LRRC38: variants seen among roughly 807,000 people sequenced by gnomAD.
LRRC38 encodes leucine-rich repeat-containing protein 38.
In LRRC38, 5 loss-of-function variants were observed where a neutral mutation model predicts 16.4. That is an observed-to-expected ratio of 0.31 (90% CI 0.16 to 0.64). LRRC38 has a LOEUF of 0.64. Ranked by LOEUF, LRRC38 falls within the 30% of genes least tolerant of loss-of-function variation. The probability of loss-of-function intolerance (pLI) is 0.80; values close to 1 mark genes in which losing one functional copy is unlikely to be tolerated. For missense variants in LRRC38, 341 were observed against 401.8 expected (o/e 0.85, Z 1.29); for synonymous variants, 191 against 190.2 (o/e 1.00, Z -0.04).
At chr1:13,504,470 C>T (rs1054966267) in intron 1 of LRRC38, among the ~76,000 whole-genome samples, 9 of 151,916 alleles carry the variant, frequency 5.9e-5, no homozygotes, top group Non-Finnish European at 8.8e-5. Context: ...CCTGTAATCC[C>T]GGCACTTTGG....
chr1:13,483,276 C>A (rs1259952276), intron 1 of LRRC38, among the ~76,000 whole-genome samples: 3 of 152,130 alleles, frequency 2.0e-5, no homozygotes, highest in Non-Finnish European at 2.9e-5. Flanking sequence ...CTCAGCCTCC[C>A]GAGTAACTGG....
At chr1:13,504,340 C>T (rs1210548346) in intron 1 of LRRC38, among the ~76,000 whole-genome samples, 1 of 152,050 alleles carries the variant, frequency 6.6e-6, no homozygotes, top group Non-Finnish European at 1.5e-5. Flanking sequence ...CCAGCCCTGC[C>T]CCAGACCCAT....
At chr1:13,511,173 G>A (rs936464533) in intron 1 of LRRC38, among the ~76,000 whole-genome samples, 1 of 152,188 alleles carries the variant, frequency 6.6e-6, no homozygotes, top group Non-Finnish European at 1.5e-5. Flanking sequence ...ACAGCAGGAG[G>A]AGGAACATTT....
At chr1:13,483,735 T>C (rs1169832222) in intron 1 of LRRC38, among the ~76,000 whole-genome samples, 2 of 152,132 alleles carry the variant, frequency 1.3e-5, no homozygotes, top group Non-Finnish European at 2.9e-5. Context: ...GATGATACTG[T>C]GAACATGAAA....
intron 1 of LRRC38, among the ~76,000 whole-genome samples, chr1:13,482,673 G>C (rs1338869268): frequency 1.3e-5 from 2 of 152,020 alleles, no homozygotes; most frequent in Non-Finnish European, 2.9e-5. Flanking sequence ...CAGCAGGACA[G>C]TGGAAGGATG....
At chr1:13,499,626 T>C (rs1371410263) in intron 1 of LRRC38, among the ~76,000 whole-genome samples, 2 of 152,128 alleles carry the variant, frequency 1.3e-5, no homozygotes, top group East Asian at 1.9e-4. Flanking sequence ...GTTACAAAAG[T>C]GTGTACTGGA....
chr1:13,509,900 G>A (rs1465117405), intron 1 of LRRC38, among the ~76,000 whole-genome samples: 2 of 152,084 alleles, frequency 1.3e-5, no homozygotes, highest in Non-Finnish European at 2.9e-5. Context: ...GAGGTGTGGA[G>A]CTTGCTAAAA....
intron 1 of LRRC38, among the ~76,000 whole-genome samples, chr1:13,492,653 G>T (rs1357010829): frequency 1.3e-5 from 2 of 151,978 alleles, no homozygotes; most frequent in Non-Finnish European, 2.9e-5. Context: ...AGTGAGCTGA[G>T]ATCGCACCAG....
At chr1:13,499,197 C>T (rs548366321) in intron 1 of LRRC38, among the ~76,000 whole-genome samples, 1 of 152,134 alleles carries the variant, frequency 6.6e-6, no homozygotes, top group Non-Finnish European at 1.5e-5. Flanking sequence ...CTCCCAGGTT[C>T]AAGCAATTCT....
chr1:13,512,118 G>A (rs1339617979), intron 1 of LRRC38, among the ~76,000 whole-genome samples: 5 of 152,144 alleles, frequency 3.3e-5, no homozygotes, highest in African/African-American at 9.7e-5. Flanking sequence ...ACAAGTGGGA[G>A]GCTGGAATCC....
intron 1 of LRRC38, among the ~76,000 whole-genome samples, chr1:13,502,450 G>A (rs1026915910): frequency 2.0e-5 from 3 of 151,898 alleles, no homozygotes; most frequent in Admixed American, 6.6e-5. Context: ...TTCCTCACCC[G>A]CTCACCACCT....
At chr1:13,480,115 C>T (rs374115142) in intron 1 of LRRC38, among the ~76,000 whole-genome samples, 153 of 152,316 alleles carry the variant, frequency 1.0e-3, no homozygotes, top group African/African-American at 3.3e-3. Flanking sequence ...GAGGCCGAGG[C>T]GGGTGGATTA....
At chr1:13,484,790 T>C (rs899180908) in intron 1 of LRRC38, among the ~76,000 whole-genome samples, 1 of 152,230 alleles carries the variant, frequency 6.6e-6, no homozygotes, top group Non-Finnish European at 1.5e-5. Context: ...CTGCATTGCC[T>C]GCACTCCTTT....
chr1:13,506,195 G>T (rs750327591), intron 1 of LRRC38, among the ~76,000 whole-genome samples: 11 of 152,106 alleles, frequency 7.2e-5, no homozygotes, highest in Non-Finnish European at 1.2e-4. Context: ...AGCATGGAAG[G>T]TTAAGTGGGA....
At chr1:13,502,962 G>A (rs896878844) in intron 1 of LRRC38, among the ~76,000 whole-genome samples, 3 of 152,178 alleles carry the variant, frequency 2.0e-5, no homozygotes, top group African/African-American at 7.2e-5. Flanking sequence ...ATAACTCAAG[G>A]AGGGAAGTAT....
rs150493893 is a variant in LRRC38, at chr1:13,508,284, A to G, written c.631+4679T>C. ...ACTTTCACCCTGTGTTTCCACCCCA[A>G]ATAAAATAACCAGAGGTTTCCACAG... On this transcript the variant is annotated intron_variant, in intron 1 of 1. Transcript: ENST00000376085. Among the ~76,000 whole-genome samples the G allele has an allele frequency of 3.2e-3, 488 of 152,326 alleles. 5 individuals carry two copies. The highest frequency in any genetic ancestry group is 0.011 in the African/African-American group (463 of 41,558).
rs75993750 is a variant in LRRC38 at position 13,487,817 on chromosome 1, T to C, written c.632-11718A>G. 9.9e-3 allele frequency among the ~76,000 whole-genome samples: 1,513 copies of C among 152,310 alleles called. 24 individuals carry two copies. Among genetic ancestry groups the C allele is most frequent in the African/African-American group, 0.034 (1,428 of 41,572 alleles). On this transcript the variant is annotated intron_variant, in intron 1 of 1. Transcript: ENST00000376085. The surrounding 1 kb of genome is among the most constrained non-coding windows in gnomAD (Gnocchi z 4.4). ...TGCAGCCAGAGGATCTCTCAGGCCCTTTCCCCTGATCTGGCCTCCTGGGAA... is the reference window on the plus strand; with the variant it reads ...TGCAGCCAGAGGATCTCTCAGGCCCCTTCCCCTGATCTGGCCTCCTGGGAA...
At chr1:13,508,699 T>C (rs775211169) in intron 1 of LRRC38, among the ~76,000 whole-genome samples, 2 of 152,236 alleles carry the variant, frequency 1.3e-5, no homozygotes, top group African/African-American at 2.4e-5. Flanking sequence ...AAAGCTGCTT[T>C]TATTTTCTCA....
chr1:13,486,509 C>G (rs1253627106), intron 1 of LRRC38, among the ~76,000 whole-genome samples: 3 of 152,102 alleles, frequency 2.0e-5, no homozygotes, highest in East Asian at 1.9e-4. Context: ...GGCTTCTCCC[C>G]CTTCATCTCT....
Sources: gnomAD v4.1 joint callset for allele counts (sites outside exome capture counted in the v4.1 genomes callset) on GRCh38, gnomAD v4.1.1 for gene constraint, Gnocchi (gnomAD v3.1) non-coding constraint, MANE v1.5 for transcripts, NCBI Gene and HGNC (gene_info 2026-07-23, HGNC 2026-07-21) for gene names.